The following ZNF385C variants were observed in gnomAD, a reference collection of about 807,000 sequenced individuals.
ZNF385C encodes zinc finger protein 385C.
Under a neutral mutation model 35.4 loss-of-function variants are expected in ZNF385C, and 28 were observed. The ratio of observed to expected loss-of-function variants is 0.79; its 90% CI spans 0.59 to 1.08. ZNF385C has a LOEUF of 1.08. ZNF385C is among the 50% of genes least tolerant of loss of function. The pLI, the probability that ZNF385C is intolerant of heterozygous loss-of-function variation, is 0.00. For missense variants in ZNF385C, 605 were observed against 595.6 expected (o/e 1.02, Z -0.16); for synonymous variants, 248 against 248.2 (o/e 1.00, Z 0.01).
chr17:42,064,073 T>TACACATACACACAC, intron 1 of ZNF385C, among the ~76,000 whole-genome samples: 1 of 129,834 alleles, frequency 7.7e-6, no homozygotes, highest in African/African-American at 2.9e-5. Context: ...CACACGCACA[T>TACACATACACACAC]ACACACACAC....
chr17:42,074,214 C>T (rs1555659064), intron 1 of ZNF385C, among the ~76,000 whole-genome samples: 1 of 152,206 alleles, frequency 6.6e-6, no homozygotes, highest in African/African-American at 2.4e-5. Context: ...GCCCTTATTT[C>T]CCAGCTATCC....
chr17:42,066,281 A>T (rs2053545355), intron 1 of ZNF385C, among the ~76,000 whole-genome samples: 1 of 151,500 alleles, frequency 6.6e-6, no homozygotes, highest in African/African-American at 2.4e-5. Context: ...GATGGTCTCG[A>T]TCTCTTGACT....
intron 1 of ZNF385C, among the ~76,000 whole-genome samples, chr17:42,086,889 C>T (rs1375817612): frequency 1.4e-5 from 2 of 142,028 alleles, no homozygotes; most frequent in East Asian, 2.1e-4. Flanking sequence ...AGTGCAGTGG[C>T]GTGATCTTGG....
Position 42,028,916 on chromosome 17 carries a change from C to A in ZNF385C, c.834G>T (p.Pro278=). Residue 278 remains proline (P), a synonymous_variant, in exon 6 of 9, where the codon CCG becomes CCT. Coordinates refer to ENST00000692273, the MANE Select transcript of ZNF385C (RefSeq NM_001392013.1). Reference sequence around the variant, plus strand: ...CGGCAGCTGCCGCTGGCTCAGGCCCCGGTGCCTCTCTCCCAGGCTCTGGGG... The same window carrying A: ...CGGCAGCTGCCGCTGGCTCAGGCCCAGGTGCCTCTCTCCCAGGCTCTGGGG... ...PCSPEPGREA[P]GPEPAAAAVG... is the part of the protein sequence containing the mutation. The A allele has an allele frequency of 6.4e-7, 1 of 1,550,584 alleles. No homozygotes were observed. Among genetic ancestry groups the A allele is most frequent in the Non-Finnish European group, 8.7e-7 (1 of 1,146,996 alleles).
Position 42,037,782 on chromosome 17 carries a change from G to A in ZNF385C, c.354C>T (p.His118=). 2.0e-6 allele frequency: 3 copies of A among 1,536,276 alleles called. No individual in the cohort carries two copies. Among genetic ancestry groups the A allele is most frequent in the African/African-American group, 2.7e-5 (2 of 72,778 alleles). The change falls in exon 3 of 9, where the codon CAC becomes CAT. Residue 118 remains histidine (H), a synonymous_variant. Coordinates refer to ENST00000692273, the MANE Select transcript of ZNF385C (RefSeq NM_001392013.1). ...GACTGAGCGGGGCAGCGCCATTGAA[G>A]TGGAAGGCGAGCAAGTGCTTGAAGT... ...PLDFKHLLAF[H]FNGAAPLSLF... is the part of the protein sequence containing the mutation.
At chr17:42,034,469 C>T in intron 3 of ZNF385C, 134 bp from the exon 4 acceptor site, 2 of 637,930 alleles carry the variant, frequency 3.1e-6, no homozygotes, top group Non-Finnish European at 5.4e-6. Context: ...ACTTTTCCAT[C>T]CTGTGGATGT....
intron 2 of ZNF385C, among the ~76,000 whole-genome samples, chr17:42,048,712 T>A (rs2053221846): frequency 6.6e-6 from 1 of 152,086 alleles, no homozygotes; most frequent in Non-Finnish European, 1.5e-5. Context: ...TGATTCTTCC[T>A]CCAAAATCCA....
intron 3 of ZNF385C, 94 bp from the exon 4 acceptor site, chr17:42,034,429 G>A (rs1402001016): frequency 6.1e-6 from 5 of 818,504 alleles, no homozygotes; most frequent in Non-Finnish European, 9.8e-6. Flanking sequence ...AAAGATGACT[G>A]AAGAGGGCCT....
At chr17:42,041,131 T>TATGG in intron 2 of ZNF385C, 1 of 1,232,190 alleles carries the variant, frequency 8.1e-7, no homozygotes, top group Non-Finnish European at 1.0e-6. Flanking sequence ...CAGCCCCACA[T>TATGG]ATGGGGATGC....
chr17:42,062,730 C>T (rs2053481307), intron 2 of ZNF385C, 77 bp downstream of exon 2: 1 of 465,138 alleles, frequency 2.1e-6, no homozygotes, highest in Non-Finnish European at 3.8e-6. Flanking sequence ...GCCACAGACC[C>T]AGAGCCCCTC....
intron 2 of ZNF385C, chr17:42,040,425 C>CGCAGCCGCCATCACCAGAGGCT: frequency 4.1e-6 from 5 of 1,232,116 alleles, no homozygotes; most frequent in Non-Finnish European, 5.1e-6. Flanking sequence ...GGAGGGAGGC[C>CGCAGCCGCCATCACCAGAGGCT]GCAGCCGCCA....
chr17:42,028,351 G>C, intron 6 of ZNF385C, 105 bp from the exon 7 acceptor site: 1 of 1,163,756 alleles, frequency 8.6e-7, no homozygotes, highest in Non-Finnish European at 1.2e-6. Flanking sequence ...AAGCCTCACG[G>C]CTGCTCTGTG....
intron 1 of ZNF385C, among the ~76,000 whole-genome samples, chr17:42,083,505 C>A (rs1287461476): frequency 6.6e-6 from 1 of 151,888 alleles, no homozygotes; most frequent in Non-Finnish European, 1.5e-5. Flanking sequence ...CCGCGCCTGG[C>A]CATAACAAAA....
intron 1 of ZNF385C, among the ~76,000 whole-genome samples, chr17:42,098,153 G>A (rs1244258412): frequency 1.3e-5 from 2 of 152,190 alleles, no homozygotes; most frequent in Non-Finnish European, 2.9e-5. Flanking sequence ...TCTAATGCCC[G>A]GCTCTTTCTT....
At chr17:42,038,189 G>T (rs921466066) in intron 2 of ZNF385C, 1 of 835,762 alleles carries the variant, frequency 1.2e-6, no homozygotes, top group Non-Finnish European at 1.8e-6. Flanking sequence ...GGGACAGAGG[G>T]GTCTGGGCAG....
chr17:42,070,497 A>G (rs997030141), intron 1 of ZNF385C, among the ~76,000 whole-genome samples: 2 of 152,198 alleles, frequency 1.3e-5, no homozygotes, highest in African/African-American at 4.8e-5. Flanking sequence ...CCTGGGAGAA[A>G]GGCAGGGTGG....
chr17:42,038,023 C>T, intron 2 of ZNF385C, 138 bp from the exon 3 acceptor site: 1 of 1,536,432 alleles, frequency 6.5e-7, no homozygotes. Context: ...CCAGCCAGAC[C>T]CATAGTGATT....
chr17:42,073,802 T>C (rs1403522434), intron 1 of ZNF385C, among the ~76,000 whole-genome samples: 2 of 152,222 alleles, frequency 1.3e-5, no homozygotes, highest in Non-Finnish European at 2.9e-5. Flanking sequence ...AGAGGGCTCT[T>C]GCAGCCAAAG....
In ZNF385C at chr17:42,026,886, C is replaced by T. The variant is rs377317142; in HGVS notation, c.*11G>A. Reference sequence around the variant, plus strand: ...GCTATTGGGAAATCAGCTCTGGCCTCCCCATGAGGGCTAATAAGGGGCAAG... The same window carrying T: ...GCTATTGGGAAATCAGCTCTGGCCTTCCCATGAGGGCTAATAAGGGGCAAG... On this transcript the variant is annotated 3_prime_UTR_variant, in exon 9 of 9. Transcript: ENST00000692273. 3.6e-5 allele frequency: 56 copies of T among 1,576,650 alleles called. No individual in the cohort carries two copies. Among genetic ancestry groups the T allele is most frequent in the African/African-American group, 5.4e-5 (4 of 74,128 alleles).
Sources: allele counts gnomAD v4.1 joint callset (sites outside exome capture counted in the v4.1 genomes callset), GRCh38; gene constraint gnomAD v4.1.1; transcripts MANE v1.5; gene names NCBI Gene and HGNC (gene_info 2026-07-23, HGNC 2026-07-21).